The following SETBP1 variants were observed in gnomAD, a reference collection of about 807,000 sequenced individuals.
The protein encoded by SETBP1 is SET binding protein 1, also known as SET-binding protein.
Under a neutral mutation model 101.0 loss-of-function variants are expected in SETBP1, and 9 were observed. The observed-to-expected ratio is 0.09, with a 90% CI of 0.05 to 0.16. The LOEUF (loss-of-function observed/expected upper bound fraction) is 0.16, where lower values mean the gene tolerates loss of function less well. Among genes scored for constraint, SETBP1 ranks in the 10% least tolerant of loss-of-function variants. SETBP1 has a pLI of 1.00. For missense variants in SETBP1, 1,858 were observed against 2,033.8 expected, an observed-to-expected ratio of 0.91 and a Z score of 1.66; for synonymous variants, 818 against 788.5, an observed-to-expected ratio of 1.04 and a Z score of -0.63.
intron 3 of SETBP1, among the ~76,000 whole-genome samples, chr18:44,905,802 AAATT>A (rs1488199170): frequency 2.0e-5 from 3 of 152,220 alleles, no homozygotes; most frequent in Non-Finnish European, 4.4e-5. Context: ...TGTCACACAA[AAATT>A]AATTGACTGG....
chr18:44,923,323 C>CTA (rs1288478050), intron 3 of SETBP1, among the ~76,000 whole-genome samples: 1 of 152,168 alleles, frequency 6.6e-6, no homozygotes, highest in Non-Finnish European at 1.5e-5. Flanking sequence ...AGCAACATGA[C>CTA]TGAGTATTCC....
At chr18:44,769,813 C>T (rs575374357) in intron 2 of SETBP1, among the ~76,000 whole-genome samples, 1 of 152,218 alleles carries the variant, frequency 6.6e-6, no homozygotes, top group Non-Finnish European at 1.5e-5. Context: ...TTCAGCCACT[C>T]ACATACATAT....
chr18:44,992,072 A>G (rs1346771342), intron 4 of SETBP1, among the ~76,000 whole-genome samples: 1 of 152,180 alleles, frequency 6.6e-6, no homozygotes, highest in African/African-American at 2.4e-5. Flanking sequence ...TGAAAACACA[A>G]CATGTCAAAA....
chr18:44,864,695 C>G (rs1319638471), intron 2 of SETBP1, among the ~76,000 whole-genome samples: 1 of 152,080 alleles, frequency 6.6e-6, no homozygotes, highest in Non-Finnish European at 1.5e-5. Context: ...CTCTGCACCC[C>G]GCACCCTCTC....
chr18:44,984,259 T>G (rs1459941653), intron 4 of SETBP1, among the ~76,000 whole-genome samples: 2 of 152,208 alleles, frequency 1.3e-5, no homozygotes, highest in Non-Finnish European at 2.9e-5. Flanking sequence ...GGACTGGTTT[T>G]GTGGAAGACA....
intron 2 of SETBP1, among the ~76,000 whole-genome samples, chr18:44,847,716 G>A (rs567871588): frequency 6.6e-6 from 1 of 152,304 alleles, no homozygotes; most frequent in African/African-American, 2.4e-5. Flanking sequence ...TGGGGTAGGA[G>A]AAGGGAGATA....
Position 44,783,083 on chromosome 18 carries a change from A to G in SETBP1, c.486+81251A>G, listed in dbSNP as rs1325603864. Among the ~76,000 whole-genome samples, 5 of 152,302 alleles carry G rather than the reference A, an allele frequency of 3.3e-5. No homozygotes were observed. The East Asian group carries it at 9.6e-4, about 29-fold the overall frequency. On this transcript the variant is annotated intron_variant, in intron 2 of 5. Transcript: ENST00000649279. Reference sequence around the variant, plus strand: ...AACCCCAAAAGGTTTATTTTCTCCCATATAAATTTGCCTTTCTTATCCCTG... The same window carrying G: ...AACCCCAAAAGGTTTATTTTCTCCCGTATAAATTTGCCTTTCTTATCCCTG...
At chr18:45,036,149 T>C (rs926602872) in intron 4 of SETBP1, among the ~76,000 whole-genome samples, 8 of 152,030 alleles carry the variant, frequency 5.3e-5, no homozygotes, top group Non-Finnish European at 1.0e-4. Context: ...CTGGCCAACA[T>C]GGTGAAACCC....
In SETBP1 at chr18:44,684,846, C is replaced by T. The variant is rs550117964; in HGVS notation, c.-173+3825C>T. Among the ~76,000 whole-genome samples the T allele has an allele frequency of 3.3e-5, 5 of 152,134 alleles. No individual in the cohort carries two copies. The South Asian group carries it at 1.0e-3, about 32-fold the overall frequency. On this transcript the variant is annotated intron_variant, in intron 1 of 5. Coordinates refer to ENST00000649279, the MANE Select transcript of SETBP1 (RefSeq NM_015559.3). The stretch of plus-strand genomic sequence containing the variant: ...ATTTTTAGTAGAGACGGGGTTTCAC[C>T]ATGTTGGCCAGGCTGCTCTTGAACT...
At chr18:44,760,678 A>G (rs2070617949) in intron 2 of SETBP1, among the ~76,000 whole-genome samples, 1 of 152,256 alleles carries the variant, frequency 6.6e-6, no homozygotes, top group Admixed American at 6.5e-5. Context: ...GTGTGCGATA[A>G]CAATACATTT....
At chr18:44,845,464 A>T (rs1485474156) in intron 2 of SETBP1, among the ~76,000 whole-genome samples, 1 of 152,190 alleles carries the variant, frequency 6.6e-6, no homozygotes, top group East Asian at 1.9e-4. Flanking sequence ...GGGTACCAAG[A>T]TATTTTGCCT....
intron 3 of SETBP1, among the ~76,000 whole-genome samples, chr18:44,876,051 T>A (rs1333599253): frequency 6.6e-6 from 1 of 152,188 alleles, no homozygotes; most frequent in African/African-American, 2.4e-5. Flanking sequence ...ATCTGAGTAA[T>A]AGAGGGAATT....
intron 3 of SETBP1, among the ~76,000 whole-genome samples, chr18:44,944,185 C>T (rs984318318): frequency 4.6e-5 from 7 of 152,132 alleles, no homozygotes; most frequent in Admixed American, 4.6e-4. Context: ...GTCCACCTCA[C>T]CTTCACTTGG....
At chr18:45,043,223 A>T (rs2073543563) in intron 5 of SETBP1, among the ~76,000 whole-genome samples, 1 of 152,184 alleles carries the variant, frequency 6.6e-6, no homozygotes, top group South Asian at 2.1e-4. Context: ...ATTTAAGATG[A>T]GTCTGTATGA....
At position 44,797,888 on chromosome 18, in the gene SETBP1, A is replaced by G. The variant is rs561736551; in HGVS notation, c.487-71342A>G. Among the ~76,000 whole-genome samples, 6 of 152,238 alleles carry G rather than the reference A, an allele frequency of 3.9e-5. No homozygotes were observed. In the South Asian group the frequency reaches 1.0e-3, roughly 26 times the overall value. On this transcript the variant is annotated intron_variant, in intron 2 of 5. Coordinates refer to ENST00000649279, the MANE Select transcript of SETBP1 (RefSeq NM_015559.3). ...GTCCACCTCTCTGATCTCATCTCAAATCCAGAGCCATCCTGTTCCGGAAGA... is the reference window on the plus strand; with the variant it reads ...GTCCACCTCTCTGATCTCATCTCAAGTCCAGAGCCATCCTGTTCCGGAAGA...
chr18:44,700,968 C>T (rs1402763197), intron 1 of SETBP1, among the ~76,000 whole-genome samples: 1 of 152,190 alleles, frequency 6.6e-6, no homozygotes, highest in African/African-American at 2.4e-5. Context: ...AATAGCAATC[C>T]ATTATGAAGG....
intron 2 of SETBP1, among the ~76,000 whole-genome samples, chr18:44,771,233 T>C (rs1322066268): frequency 1.4e-5 from 2 of 146,622 alleles, no homozygotes; most frequent in Non-Finnish European, 3.0e-5. Flanking sequence ...GAGCATTCTT[T>C]GGATGGTAGG....
chr18:44,822,912 G>A lies in SETBP1; in HGVS notation c.487-46318G>A, dbSNP rs751808043. Among the ~76,000 whole-genome samples the A allele has an allele frequency of 2.8e-4, 42 of 152,226 alleles. 1 individual carries two copies. Among genetic ancestry groups the A allele is most frequent in the Admixed American group, 2.7e-3 (42 of 15,292 alleles). ...CACACCTGTACTTTGGGAGGCCGAG[G>A]TGGGCGGATCACCAGAGGGTCAGGA... On this transcript the variant is annotated intron_variant, in intron 2 of 5. Transcript: ENST00000649279.
At chr18:45,033,391 T>G (rs916498478) in intron 4 of SETBP1, among the ~76,000 whole-genome samples, 1 of 152,140 alleles carries the variant, frequency 6.6e-6, no homozygotes, top group Non-Finnish European at 1.5e-5. Flanking sequence ...AAATTAGGAG[T>G]TTTACCATTT....
Sources: gnomAD v4.1 joint callset for allele counts (sites outside exome capture counted in the v4.1 genomes callset) on GRCh38, gnomAD v4.1.1 for gene constraint, MANE v1.5 for transcripts, NCBI Gene and HGNC (gene_info 2026-07-23, HGNC 2026-07-21) for gene names.